CSF2RA: variants seen among roughly 807,000 people sequenced by gnomAD.
CSF2RA encodes the protein colony stimulating factor 2 receptor subunit alpha, also known as granulocyte-macrophage colony-stimulating factor receptor subunit alpha.
In CSF2RA, 42 loss-of-function variants were observed where a neutral mutation model predicts 51.6. The observed-to-expected ratio is 0.81, with a 90% CI of 0.64 to 1.05. The LOEUF (loss-of-function observed/expected upper bound fraction) is 1.05. Ranked by LOEUF, CSF2RA falls within the 50% of genes least tolerant of loss-of-function variation. The pLI is 0.00. For missense variants in CSF2RA, 530 were observed against 501.1 expected (o/e 1.06, Z -0.55); for synonymous variants, 222 against 193.0 (o/e 1.15, Z -1.24).
At chrX:1,314,029 A>T (rs1266453364), downstream of CSF2RA, among the ~76,000 whole-genome samples, 6 of 151,926 alleles carry the variant, frequency 3.9e-5, no homozygotes, top group Admixed American at 1.3e-4. Context: ...AAATTAAAAT[A>T]AAATTAAATA....
chrX:1,296,043 C>A (rs28377023), intron 9 of CSF2RA, among the ~76,000 whole-genome samples: 59,570 of 145,728 alleles, frequency 0.41, 12,566 homozygotes, highest in Admixed American at 0.43. Flanking sequence ...ATTCATGACC[C>A]CTAGCGTAAC....
At chrX:1,283,372 G>A (rs193268694) in intron 3 of CSF2RA, among the ~76,000 whole-genome samples, 132 of 109,648 alleles carry the variant, frequency 1.2e-3, no homozygotes, top group African/African-American at 4.3e-3. Context: ...TCCTTCTTCC[G>A]TCCCTCCCTT....
intron 10 of CSF2RA, among the ~76,000 whole-genome samples, chrX:1,302,675 T>G (rs1189019253): frequency 6.7e-6 from 1 of 149,500 alleles, no homozygotes; most frequent in African/African-American, 2.5e-5. Flanking sequence ...TGGCCAATTT[T>G]TGTATTTTTC....
Position 1,309,517 on chromosome X carries a change from C to T in CSF2RA, c.*38C>T. On this transcript the variant is annotated 3_prime_UTR_variant, in exon 13 of 13. Coordinates refer to ENST00000381529, the MANE Select transcript of CSF2RA (RefSeq NM_172245.4). ...GTAGGAATGGCATGGACATCTCCGC[C>T]TCCGCGACACGGGGGAACTGTTTTC... 1 of 1,613,982 alleles carries T rather than the reference C, an allele frequency of 6.2e-7. No homozygotes were observed. The highest frequency in any genetic ancestry group is 8.5e-7 in the Non-Finnish European group (1 of 1,179,858).
At chrX:1,308,488 C>G (rs2083901843) in intron 12 of CSF2RA, among the ~76,000 whole-genome samples, 4 of 151,996 alleles carry the variant, frequency 2.6e-5, no homozygotes. Context: ...TTGCGTGACC[C>G]ACATCCCAAG....
the CSF2RA span, among the ~76,000 whole-genome samples, chrX:1,320,243 G>A: frequency 1.3e-5 from 2 of 151,774 alleles, no homozygotes; most frequent in South Asian, 4.2e-4. Context: ...GGTCAGGCTG[G>A]TCTCGAACTC....
intron 2 of CSF2RA, among the ~76,000 whole-genome samples, chrX:1,280,958 C>A (rs1400439388): frequency 2.1e-5 from 2 of 93,986 alleles, no homozygotes; most frequent in Admixed American, 1.2e-4. Flanking sequence ...TTCTCCTCCT[C>A]CTCCTTCTCC....
intron 9 of CSF2RA, chrX:1,300,122 G>A (rs2092272164): frequency 5.0e-6 from 1 of 199,370 alleles, no homozygotes; most frequent in Admixed American, 5.5e-5. Flanking sequence ...GGGAGGCTGA[G>A]GCAGGAGAAT....
intron 2 of CSF2RA, among the ~76,000 whole-genome samples, chrX:1,280,949 T>TTCTC (rs2089896900): frequency 5.0e-5 from 1 of 19,866 alleles, no homozygotes; most frequent in Non-Finnish European, 1.1e-4. Flanking sequence ...TCCTCCTGCT[T>TTCTC]CTCCTCCTCC....
chrX:1,290,007 GTGTTT>G (rs1249577906), intron 6 of CSF2RA, among the ~76,000 whole-genome samples: 5 of 89,518 alleles, frequency 5.6e-5, no homozygotes, highest in Middle Eastern at 0.011. Context: ...TTTGTGTTTT[GTGTTT>G]TGTTTTGTGT....
rs1229813977 is a variant in CSF2RA at position 1,280,852 on chromosome X, T to TCC, written c.-26-1826_-26-1825insCC. On this transcript the variant is annotated intron_variant, in intron 2 of 12. Transcript: ENST00000381529. ...GCTTCTTTTCTCCTCCTTCCTCTCC[T>TCC]TCTCCTCCTCCTCCTCCTCCTTCTC... Among the ~76,000 whole-genome samples, 108 of 49,740 alleles carry TCC rather than the reference T, an allele frequency of 2.2e-3. 6 individuals are homozygous for TCC. The East Asian group carries it at 0.047, about 22-fold the overall frequency. The allele number at this position is 49,740 out of a possible 152,430, so 32.6% of individuals were successfully genotyped here. A position where few individuals can be genotyped will look rare whatever the true frequency, so the allele number is the denominator to read the frequency against.
intron 2 of CSF2RA, among the ~76,000 whole-genome samples, chrX:1,276,902 C>A (rs1239289000): frequency 6.6e-6 from 1 of 151,670 alleles, no homozygotes; most frequent in Admixed American, 6.6e-5. Context: ...AGATCGAGAC[C>A]ATCCTGGCCA....
At chrX:1,290,029 G>GT (rs2091233928) in intron 6 of CSF2RA, among the ~76,000 whole-genome samples, 1 of 67,502 alleles carries the variant, frequency 1.5e-5, no homozygotes, top group Admixed American at 1.5e-4. Flanking sequence ...GTGTTTTTGT[G>GT]TTTTGTTTTG....
At chrX:1,305,338 G>T in intron 11 of CSF2RA, 108 bp from the exon 12 acceptor site, 1 of 1,254,060 alleles carries the variant, frequency 8.0e-7, no homozygotes. Context: ...GTTTTGCATA[G>T]TTGAGCGCAG....
rs189725921 is a variant in CSF2RA, at chrX:1,288,413, C to T, written c.220-106C>T. 0.11 allele frequency: 111,639 copies of T among 1,010,768 alleles called. 17,361 individuals carry two copies. The highest frequency in any genetic ancestry group is 0.24 in the East Asian group (8,419 of 34,936). The allele number at this position is 1,010,768 out of a possible 1,614,324, so 62.6% of individuals were successfully genotyped here. A position where few individuals can be genotyped will look rare whatever the true frequency, so the allele number is the denominator to read the frequency against. ...GGGAGAATTGCTTGAACCTGGAAGGCGGAGGTTGTAGTGAGCCGAGATCAC... is the reference window on the plus strand; with the variant it reads ...GGGAGAATTGCTTGAACCTGGAAGGTGGAGGTTGTAGTGAGCCGAGATCAC... On this transcript the variant is annotated intron_variant, in intron 4 of 12. Coordinates refer to ENST00000381529, the MANE Select transcript of CSF2RA (RefSeq NM_172245.4).
chrX:1,305,785 A>G, intron 12 of CSF2RA: 3 of 1,550,908 alleles, frequency 1.9e-6, no homozygotes, highest in Non-Finnish European at 2.6e-6. Context: ...AAAGGAGGAG[A>G]AGACGGTAGA....
intron 4 of CSF2RA, among the ~76,000 whole-genome samples, chrX:1,286,934 G>A (rs1453786028): frequency 6.6e-6 from 1 of 151,998 alleles, no homozygotes; most frequent in Non-Finnish European, 1.5e-5. Context: ...AGACAGAAGA[G>A]CGGGGAGAGG....
At position 1,274,762 on chromosome X, in the gene CSF2RA, C is replaced by T. The variant is rs1317891586; in HGVS notation, c.-83C>T. The T allele has an allele frequency of 1.3e-5, 6 of 453,276 alleles. No individual in the cohort carries two copies. The East Asian group carries it at 4.2e-4, about 32-fold the overall frequency. The allele number at this position is 453,276 out of a possible 1,614,324, so 28.1% of individuals were successfully genotyped here. On this transcript the variant is annotated 5_prime_UTR_variant, in exon 2 of 13. The change creates a premature stop within an existing upstream ORF in the 5' untranslated region. Transcript: ENST00000381529. Reference sequence around the variant, plus strand: ...CTTATTTACCTTTCACAGTTTACAGCAGGAAAATCCGTGGAGACAGCAGAT... The same window carrying T: ...CTTATTTACCTTTCACAGTTTACAGTAGGAAAATCCGTGGAGACAGCAGAT...
downstream of CSF2RA, among the ~76,000 whole-genome samples, chrX:1,314,317 C>CCG (rs2084343992): frequency 3.8e-5 from 5 of 131,426 alleles, no homozygotes; most frequent in Non-Finnish European, 6.6e-5. Context: ...GCCTGCCCAA[C>CCG]CACACTGCAC....
Sources: allele counts gnomAD v4.1 joint callset (sites outside exome capture counted in the v4.1 genomes callset), GRCh38; gene constraint gnomAD v4.1.1; transcripts MANE v1.5; gene names NCBI Gene and HGNC (gene_info 2026-07-23, HGNC 2026-07-21).